The following SEMA5A variants were observed in gnomAD, a reference collection of about 807,000 sequenced individuals.
The protein encoded by SEMA5A is semaphorin-5A.
In SEMA5A, 55 loss-of-function variants were observed where a neutral mutation model predicts 135.5. That is an observed-to-expected ratio of 0.41 (90% CI 0.33 to 0.51). The LOEUF is 0.51. Ranked by LOEUF, SEMA5A falls within the 20% of genes least tolerant of loss-of-function variation. SEMA5A has a pLI of 0.37. For synonymous variants in SEMA5A, 580 were observed against 546.5 expected, an observed-to-expected ratio of 1.06 and a Z score of -0.85; for missense variants, 1,290 against 1,419.9, an observed-to-expected ratio of 0.91 and a Z score of 1.47.
intron 3 of SEMA5A, among the ~76,000 whole-genome samples, chr5:9,369,101 T>C (rs536048394): frequency 1.3e-5 from 2 of 152,354 alleles, no homozygotes; most frequent in African/African-American, 4.8e-5. Context: ...CAGTCTGCAG[T>C]GTGTGTGGAG....
chr5:9,439,147 G>A (rs1035810055), intron 1 of SEMA5A, among the ~76,000 whole-genome samples: 1 of 152,292 alleles, frequency 6.6e-6, no homozygotes, highest in Non-Finnish European at 1.5e-5. Context: ...GTCCTCAAAA[G>A]TCCGTGACAT....
chr5:9,337,130 G>A (rs540473529), intron 4 of SEMA5A, among the ~76,000 whole-genome samples: 24 of 152,248 alleles, frequency 1.6e-4, no homozygotes, highest in South Asian at 4.1e-4. Context: ...ACCTAGATAC[G>A]GGAACACTCA....
intron 1 of SEMA5A, among the ~76,000 whole-genome samples, chr5:9,494,902 G>A (rs1408588099): frequency 6.6e-6 from 1 of 152,136 alleles, no homozygotes; most frequent in African/African-American, 2.4e-5. Flanking sequence ...TCTGGTTCAA[G>A]TGTTCAAGGT....
intron 18 of SEMA5A, among the ~76,000 whole-genome samples, chr5:9,057,704 G>C (rs1427487610): frequency 6.6e-6 from 1 of 152,190 alleles, no homozygotes; most frequent in Non-Finnish European, 1.5e-5. Flanking sequence ...AAGAACTGGG[G>C]AAATGGATGT....
intron 16 of SEMA5A, among the ~76,000 whole-genome samples, chr5:9,096,648 A>C (rs1293824059): frequency 6.6e-6 from 1 of 151,478 alleles, no homozygotes; most frequent in African/African-American, 2.4e-5. Context: ...GCTGTTTCCA[A>C]ATGAAATGGC....
chr5:9,244,993 A>T (rs1399912962), intron 5 of SEMA5A, among the ~76,000 whole-genome samples: 1 of 152,210 alleles, frequency 6.6e-6, no homozygotes, highest in Non-Finnish European at 1.5e-5. Context: ...TTTTTAAGTA[A>T]CATCTTCAGC....
chr5:9,152,915 T>C (rs1220862253), intron 12 of SEMA5A, among the ~76,000 whole-genome samples: 2 of 151,916 alleles, frequency 1.3e-5, no homozygotes, highest in East Asian at 3.9e-4. Context: ...CTACTAAAAA[T>C]ACAAAAATTA....
At chr5:9,465,497 T>C (rs1197773840) in intron 1 of SEMA5A, among the ~76,000 whole-genome samples, 1 of 152,190 alleles carries the variant, frequency 6.6e-6, no homozygotes, top group Non-Finnish European at 1.5e-5. Context: ...GGAAAGTAAT[T>C]GGGATAAAGA....
intron 8 of SEMA5A, among the ~76,000 whole-genome samples, chr5:9,206,255 T>C (rs1746008023): frequency 6.6e-6 from 1 of 152,102 alleles, no homozygotes; most frequent in Admixed American, 6.5e-5. Context: ...TGTGTAAACA[T>C]ATGCATGGAG....
chr5:9,281,333 T>C (rs535988017), intron 5 of SEMA5A, among the ~76,000 whole-genome samples: 6 of 152,350 alleles, frequency 3.9e-5, no homozygotes, highest in Non-Finnish European at 8.8e-5. Flanking sequence ...CCTATAATTT[T>C]TGTATATATT....
chr5:9,071,483 A>C (rs547519113), intron 16 of SEMA5A, among the ~76,000 whole-genome samples: 1 of 152,354 alleles, frequency 6.6e-6, no homozygotes, highest in East Asian at 1.9e-4. Context: ...TCTTGGGCAT[A>C]GTAACACTAT....
intron 11 of SEMA5A, among the ~76,000 whole-genome samples, chr5:9,189,395 G>GA (rs34061066): frequency 0.015 from 2,153 of 140,976 alleles, 41 homozygotes; most frequent in African/African-American, 0.05. Context: ...GCAACTTCAT[G>GA]AAAAAAAAAA....
rs1422760990 is a variant in SEMA5A, at chr5:9,545,558, G to C, written c.-175+26C>G. On this transcript the variant is annotated intron_variant, in intron 1 of 22. Coordinates refer to ENST00000382496, the MANE Select transcript of SEMA5A (RefSeq NM_003966.3). This position sits in a 1 kb window ranked among gnomAD's most constrained non-coding sequence, Gnocchi z 4.5. Reference sequence around the variant, plus strand: ...GGTCAGGGGCTCCTGCCAAGGCCACGCAGGAATCGGGCGGGGGTCGCTCAC... The same window carrying C: ...GGTCAGGGGCTCCTGCCAAGGCCACCCAGGAATCGGGCGGGGGTCGCTCAC... 1 of 152,368 alleles carries C rather than the reference G, an allele frequency of 6.6e-6. No individual in the cohort carries two copies. Among genetic ancestry groups the C allele is most frequent in the Non-Finnish European group, 1.5e-5 (1 of 68,226 alleles). 9.4% of individuals were successfully genotyped at this position (152,368 alleles called of 1,614,324 possible).
chr5:9,487,527 G>C (rs1734793604), intron 1 of SEMA5A, among the ~76,000 whole-genome samples: 1 of 152,086 alleles, frequency 6.6e-6, no homozygotes, highest in African/African-American at 2.4e-5. Context: ...CAGTGAAATG[G>C]GGAGAGGAAG....
chr5:9,142,606 C>G (rs1742123886), intron 12 of SEMA5A, among the ~76,000 whole-genome samples: 1 of 152,170 alleles, frequency 6.6e-6, no homozygotes, highest in Non-Finnish European at 1.5e-5. Context: ...GAAAATCTGT[C>G]CCATTCCTAA....
intron 16 of SEMA5A, among the ~76,000 whole-genome samples, chr5:9,072,038 A>G (rs937414870): frequency 5.3e-5 from 8 of 152,232 alleles, no homozygotes; most frequent in African/African-American, 1.9e-4. Flanking sequence ...TATATAAAGG[A>G]ATGTGGTGCA....
chr5:9,085,949 T>C (rs2150113212), intron 16 of SEMA5A, among the ~76,000 whole-genome samples: 1 of 152,334 alleles, frequency 6.6e-6, no homozygotes, highest in African/African-American at 2.4e-5. Context: ...GACCTGGATG[T>C]GAGACATGGA....
intron 5 of SEMA5A, among the ~76,000 whole-genome samples, chr5:9,295,757 T>C (rs1751305520): frequency 6.6e-6 from 1 of 152,180 alleles, no homozygotes; most frequent in Admixed American, 6.5e-5. Flanking sequence ...TAATGCATGC[T>C]GAGCTCTTAC....
chr5:9,339,096 TC>T (rs985926703), intron 3 of SEMA5A, among the ~76,000 whole-genome samples: 1 of 152,044 alleles, frequency 6.6e-6, no homozygotes, highest in Non-Finnish European at 1.5e-5. Context: ...TATAGGCAAA[TC>T]AATTAAAATA....
Sources: allele counts gnomAD v4.1 joint callset (sites outside exome capture counted in the v4.1 genomes callset), GRCh38; gene constraint gnomAD v4.1.1; non-coding constraint Gnocchi (gnomAD v3.1); transcripts MANE v1.5; gene names NCBI Gene and HGNC (gene_info 2026-07-23, HGNC 2026-07-21).